VWA5A: variants seen among roughly 807,000 people sequenced by gnomAD.
VWA5A encodes von Willebrand factor A domain containing 5A.
VWA5A carries 77 observed loss-of-function variants against 84.6 expected under a neutral mutation model. That is an observed-to-expected ratio of 0.91 (90% confidence interval 0.76 to 1.10). The LOEUF (loss-of-function observed/expected upper bound fraction) is 1.10. Ranked by LOEUF, VWA5A falls within the 50% of genes least tolerant of loss-of-function variation. The pLI is 0.00. For missense variants in VWA5A, 973 were observed against 963.0 expected, an observed-to-expected ratio of 1.01 and a Z score of -0.14; for synonymous variants, 334 against 350.1, an observed-to-expected ratio of 0.95 and a Z score of 0.51.
chr11:124,132,322 A>G (rs1286222604), intron 11 of VWA5A, among the ~76,000 whole-genome samples: 2 of 151,944 alleles, frequency 1.3e-5, no homozygotes, highest in Non-Finnish European at 2.9e-5. Flanking sequence ...TTAGGTTTTG[A>G]TATCAATTTT....
At chr11:124,145,505 G>A in intron 18 of VWA5A, 142 bp downstream of exon 18, 1 of 1,274,624 alleles carries the variant, frequency 7.8e-7, no homozygotes, top group Non-Finnish European at 1.0e-6. Flanking sequence ...TTTCTTGGGA[G>A]GACAAGGGTG....
intron 11 of VWA5A, among the ~76,000 whole-genome samples, chr11:124,125,307 G>T (rs1342811773): frequency 2.7e-5 from 4 of 150,858 alleles, no homozygotes; most frequent in African/African-American, 9.8e-5. Flanking sequence ...TCTTGAGATG[G>T]AGTCTCGCTC....
intron 8 of VWA5A, 69 bp from the exon 9 acceptor site, chr11:124,123,297 C>T (rs1864961363): frequency 5.9e-6 from 9 of 1,536,030 alleles, no homozygotes; most frequent in Middle Eastern, 1.7e-4. Flanking sequence ...CCTCAAGAGT[C>T]GATTGACAGG....
rs7121402 is a variant in VWA5A at position 124,147,004 on chromosome 11, G to A, written c.*1059G>A. ...GCCAAACTAGGATAGTAAATTGACC[G>A]GAACACAGTTGTGGAAATTTGACCT... On this transcript the variant is annotated 3_prime_UTR_variant, in exon 19 of 19. Coordinates refer to ENST00000456829, the MANE Select transcript of VWA5A (RefSeq NM_001130142.2). 0.4 allele frequency: 67,391 copies of A among 166,598 alleles called. 14,014 individuals are homozygous for A. The highest frequency in any genetic ancestry group is 0.65 in the East Asian group (3,375 of 5,168). The allele number at this position is 166,598 out of a possible 1,614,324, so 10.3% of individuals were successfully genotyped here. A position where few individuals can be genotyped will look rare whatever the true frequency, so the allele number is the denominator to read the frequency against.
At chr11:124,139,826 C>T (rs1483600764) in intron 15 of VWA5A, among the ~76,000 whole-genome samples, 1 of 152,184 alleles carries the variant, frequency 6.6e-6, no homozygotes, top group Middle Eastern at 3.4e-3. Flanking sequence ...CTAGGACTTC[C>T]AGTACTATAT....
intron 11 of VWA5A, among the ~76,000 whole-genome samples, chr11:124,131,012 G>C (rs1865089380): frequency 6.6e-6 from 1 of 151,920 alleles, no homozygotes; most frequent in East Asian, 1.9e-4. Flanking sequence ...TCTACAGTGA[G>C]ATAAACCTAG....
rs1864885662 is a variant in VWA5A at position 124,118,872 on chromosome 11, CCTAGTCATGCTGT to C, written c.646-100_646-88del. 3.7e-6 allele frequency: 5 copies of C among 1,354,458 alleles called. No individual in the cohort carries two copies. In the South Asian group the frequency reaches 5.2e-5, roughly 14 times the overall value. The allele number at this position is 1,354,458 out of a possible 1,614,324, so 83.9% of individuals were successfully genotyped here. A position where few individuals can be genotyped will look rare whatever the true frequency, so the allele number is the denominator to read the frequency against. On this transcript the variant is annotated intron_variant, in intron 6 of 18. Transcript: ENST00000456829. ...CCTTCTCTCCAGCCTCACCTCTGTT[CCTAGTCATGCTGT>C]CTTATGGAGGAGGACTGCGCCCTAA...
chr11:124,134,950 C>A lies in VWA5A; in HGVS notation c.1275C>A (p.Thr425=). The A allele has an allele frequency of 1.9e-6, 3 of 1,613,244 alleles. No individual in the cohort carries two copies. Among genetic ancestry groups the A allele is most frequent in the Non-Finnish European group, 2.5e-6 (3 of 1,179,646 alleles). ...TCTCATTTGGTATTGGAGAAGGCAC[C>A]TCCACCAGCCTAATAAAAGGTATTG... ...RCFSFGIGEG[T]STSLIKGIAR... Residue 425 remains threonine (T), a synonymous_variant, in exon 12 of 19, where the codon ACC becomes ACA. Transcript: ENST00000456829.
rs1047179047 is a variant in VWA5A, at chr11:124,124,478, C to A, written c.1244+162C>A. ...TATTTCTCCCTGTAAACGTTAAAAA[C>A]AGTTTTCCAAATAACATCAACAACA... On this transcript the variant is annotated intron_variant, in intron 11 of 18. Transcript: ENST00000456829. 25 of 1,364,420 alleles carry A rather than the reference C, an allele frequency of 1.8e-5. No individual in the cohort carries two copies. The African/African-American group carries it at 3.8e-4, about 21-fold the overall frequency. 84.5% of individuals were successfully genotyped at this position (1,364,420 alleles called of 1,614,324 possible).
chr11:124,121,593 C>T (rs1864933193), intron 7 of VWA5A, among the ~76,000 whole-genome samples: 2 of 152,054 alleles, frequency 1.3e-5, no homozygotes, highest in South Asian at 2.1e-4. Context: ...TTGGATACCC[C>T]GGCTTAAAAT....
chr11:124,130,137 A>G (rs1865076267), intron 11 of VWA5A, among the ~76,000 whole-genome samples: 1 of 152,196 alleles, frequency 6.6e-6, no homozygotes, highest in Non-Finnish European at 1.5e-5. Context: ...ATTTCCCTCT[A>G]AACAGTGCTT....
chr11:124,142,336 A>C (rs76642394), intron 16 of VWA5A, 106 bp from the exon 17 acceptor site: 4 of 1,445,718 alleles, frequency 2.8e-6, no homozygotes, highest in Non-Finnish European at 3.7e-6. Context: ...TTTCTATTGC[A>C]TTCTTGCTAT....
chr11:124,126,448 A>C (rs1865019546), intron 11 of VWA5A, among the ~76,000 whole-genome samples: 1 of 152,172 alleles, frequency 6.6e-6, no homozygotes, highest in Non-Finnish European at 1.5e-5. Context: ...CCTTAAACAT[A>C]TAGAGATCTT....
At chr11:124,126,965 C>T (rs1370534020) in intron 11 of VWA5A, among the ~76,000 whole-genome samples, 2 of 152,146 alleles carry the variant, frequency 1.3e-5, no homozygotes, top group African/African-American at 4.8e-5. Context: ...CTATTAAATT[C>T]AAGACATTTA....
chr11:124,117,615 AT>A lies in VWA5A; in HGVS notation c.44-57del, dbSNP rs1248178569. 1.5e-5 allele frequency: 25 copies of A among 1,614,022 alleles called. No homozygotes were observed. The African/African-American group carries it at 2.4e-4, about 16-fold the overall frequency. On this transcript the variant is annotated intron_variant, in intron 3 of 18. Coordinates refer to ENST00000456829, the MANE Select transcript of VWA5A (RefSeq NM_001130142.2). The stretch of plus-strand genomic sequence containing the variant: ...TCTTTGGCACCTATCACAAGGCTTG[AT>A]CTACAAGGAGGCAATCTATTGAAGC...
chr11:124,142,558 G>T lies in VWA5A; in HGVS notation c.2140G>T (p.Ala714Ser). Residue 714 changes from alanine to serine, a missense_variant, in exon 17 of 19, where the codon GCA becomes TCA. Ala to Ser is a moderately conservative substitution (Grantham distance 99). Coordinates refer to ENST00000456829, the MANE Select transcript of VWA5A (RefSeq NM_001130142.2). ...LGMSLEEIMA[A>S]QPAELVDSSG... ...TATGAGTTTGGAAGAAATAATGGCT[G>T]CACAGCCTGCCGAGGTAAGATTCAA... The T allele has an allele frequency of 6.2e-7, 1 of 1,614,124 alleles. No individual in the cohort carries two copies. Among genetic ancestry groups the T allele is most frequent in the Non-Finnish European group, 8.5e-7 (1 of 1,179,996 alleles).
chr11:124,145,082 C>A (rs1860794311), intron 17 of VWA5A, among the ~76,000 whole-genome samples, 155 bp from the exon 18 acceptor site: 1 of 152,158 alleles, frequency 6.6e-6, no homozygotes, highest in Admixed American at 6.5e-5. Context: ...TAAGGCCTGG[C>A]ATTATGCCTT....
intron 16 of VWA5A, 27 bp from the exon 17 acceptor site, chr11:124,142,415 A>C (rs1486849641): frequency 7.4e-6 from 12 of 1,612,302 alleles, no homozygotes; most frequent in Non-Finnish European, 9.3e-6. Context: ...ACAATTTCTC[A>C]TTCTTCTCTT....
Position 124,123,006 on chromosome 11 carries a change from T to A in VWA5A, c.807T>A (p.Asn269Lys). The A allele has an allele frequency of 6.2e-7, 1 of 1,614,154 alleles. No homozygotes were observed. The highest frequency in any genetic ancestry group is 8.5e-7 in the Non-Finnish European group (1 of 1,180,028). ...DPSAMVSFYP[N>K]IPEDQPSNTC... is the part of the protein sequence containing the mutation. ...CTGCAATGGTGAGTTTCTATCCAAA[T>A]ATCCCAGAAGATCAACCATCAAATA... Residue 269 changes from asparagine (N) to lysine (K), a missense_variant, in exon 8 of 19, where the codon AAT (asparagine) becomes AAA (lysine). Transcript: ENST00000456829.
Sources: gnomAD v4.1 joint callset for allele counts (sites outside exome capture counted in the v4.1 genomes callset) on GRCh38, gnomAD v4.1.1 for gene constraint, MANE v1.5 for transcripts, NCBI Gene and HGNC (gene_info 2026-07-23, HGNC 2026-07-21) for gene names.